PLD5: variants seen among roughly 807,000 people sequenced by gnomAD.
PLD5 encodes inactive phospholipase D5.
Under a neutral mutation model 61.1 loss-of-function variants are expected in PLD5, and 36 were observed. The ratio of observed to expected loss-of-function variants is 0.59; its 90% CI spans 0.45 to 0.78. The LOEUF (loss-of-function observed/expected upper bound fraction) is 0.78. PLD5 is among the 30% of genes least tolerant of loss of function. PLD5 has a pLI of 0.00. For synonymous variants in PLD5, 243 were observed against 242.8 expected, an observed-to-expected ratio of 1.00 and a Z score of -0.01; for missense variants, 515 against 644.4, an observed-to-expected ratio of 0.80 and a Z score of 2.17.
At chr1:242,215,360 C>G (rs139196115) in intron 5 of PLD5, among the ~76,000 whole-genome samples, 1 of 151,828 alleles carries the variant, frequency 6.6e-6, no homozygotes, top group African/African-American at 2.4e-5. Flanking sequence ...AAAACATGCC[C>G]GTTCAACTCT....
chr1:242,252,816 CTTT>C (rs71176729), intron 4 of PLD5, among the ~76,000 whole-genome samples: 54 of 120,638 alleles, frequency 4.5e-4, no homozygotes, highest in Middle Eastern at 4.3e-3. Flanking sequence ...TCTTCAGTGC[CTTT>C]TTTTTTTTTT....
chr1:242,246,955 T>C (rs1300192585), intron 4 of PLD5, among the ~76,000 whole-genome samples: 2 of 151,618 alleles, frequency 1.3e-5, no homozygotes, highest in Non-Finnish European at 2.9e-5. Flanking sequence ...TTATGAGTCA[T>C]AGGTGGGTTT....
At chr1:242,269,316 T>A (rs1253259951) in intron 3 of PLD5, among the ~76,000 whole-genome samples, 1 of 152,186 alleles carries the variant, frequency 6.6e-6, no homozygotes, top group Non-Finnish European at 1.5e-5. Flanking sequence ...GACCAATTTG[T>A]AAATGAAGTC....
In PLD5 at chr1:242,408,038, C is replaced by T. The variant is rs191862905; in HGVS notation, c.190-59796G>A. 8.0e-5 allele frequency among the ~76,000 whole-genome samples: 12 copies of T among 149,844 alleles called. No homozygotes were observed. The East Asian group carries it at 2.4e-3, about 30-fold the overall frequency. On this transcript the variant is annotated intron_variant, in intron 1 of 9. Coordinates refer to ENST00000536534, the MANE Select transcript of PLD5 (RefSeq NM_001372062.1). ...GAAAGCTACTTCAAAGTAAATGGGT[C>T]TTCATAATTTCTTTTCATGATCAAA...
intron 1 of PLD5, among the ~76,000 whole-genome samples, chr1:242,422,491 A>T (rs982284694): frequency 6.6e-6 from 1 of 152,246 alleles, no homozygotes; most frequent in East Asian, 1.9e-4. Flanking sequence ...CTTCAAATAC[A>T]TATAACTTAT....
chr1:242,515,495 G>A (rs1026915224), intron 1 of PLD5, among the ~76,000 whole-genome samples: 4 of 152,228 alleles, frequency 2.6e-5, no homozygotes, highest in African/African-American at 9.6e-5. Context: ...TTACAGGCGT[G>A]TGCCACCACG....
At chr1:242,462,016 A>G (rs887287314) in intron 1 of PLD5, among the ~76,000 whole-genome samples, 5 of 152,220 alleles carry the variant, frequency 3.3e-5, no homozygotes, top group African/African-American at 1.2e-4. Context: ...CCTATCATAC[A>G]GAGCTGTATG....
At position 242,087,129 on chromosome 1, in the gene PLD5, C is replaced by T. The variant is rs371426138; in HGVS notation, c.*2725G>A. The T allele has an allele frequency of 2.5e-3, 374 of 152,212 alleles. 3 individuals are homozygous for T. Among genetic ancestry groups the T allele is most frequent in the African/African-American group, 8.7e-3 (360 of 41,530 alleles). The allele number at this position is 152,212 out of a possible 1,614,324, so 9.4% of individuals were successfully genotyped here. Reference sequence around the variant, plus strand: ...AATGTTCTCTTGGGAGACATGAACCCATTTCTGACACTCTTGGTATGGGGG... The same window carrying T: ...AATGTTCTCTTGGGAGACATGAACCTATTTCTGACACTCTTGGTATGGGGG... On this transcript the variant is annotated 3_prime_UTR_variant, in exon 10 of 10. Transcript: ENST00000536534.
intron 5 of PLD5, among the ~76,000 whole-genome samples, chr1:242,217,235 T>C (rs1670273407): frequency 6.6e-6 from 1 of 152,228 alleles, no homozygotes; most frequent in South Asian, 2.1e-4. Context: ...TTTGGAAGGC[T>C]ATATAGCTAC....
chr1:242,239,322 G>C (rs957040046), intron 4 of PLD5, among the ~76,000 whole-genome samples: 2 of 152,068 alleles, frequency 1.3e-5, no homozygotes, highest in African/African-American at 4.8e-5. Flanking sequence ...TGAATGATTG[G>C]AAGCCTATAA....
At chr1:242,189,592 G>A (rs1452961646) in intron 5 of PLD5, among the ~76,000 whole-genome samples, 1 of 149,716 alleles carries the variant, frequency 6.7e-6, no homozygotes, top group East Asian at 1.9e-4. Context: ...ACAAGAAAGA[G>A]AAAATCACTA....
At chr1:242,413,562 G>T (rs1308794317) in intron 1 of PLD5, among the ~76,000 whole-genome samples, 1 of 152,174 alleles carries the variant, frequency 6.6e-6, no homozygotes, top group Non-Finnish European at 1.5e-5. Flanking sequence ...ACAGAGATTT[G>T]TTCCCACTCA....
chr1:242,103,874 A>T (rs72761220), intron 8 of PLD5, among the ~76,000 whole-genome samples: 32,952 of 152,210 alleles, frequency 0.22, 3,713 homozygotes, highest in South Asian at 0.28. Flanking sequence ...TCTATTATCC[A>T]TCAATGTTAC....
At chr1:242,288,607 G>A (rs1675168027) in intron 2 of PLD5, 77 bp from the exon 3 acceptor site, 8 of 1,474,846 alleles carry the variant, frequency 5.4e-6, no homozygotes, top group Non-Finnish European at 7.2e-6. Flanking sequence ...TATGCATACA[G>A]CAGACATCTA....
At chr1:242,357,059 ATT>A (rs139988668) in intron 1 of PLD5, among the ~76,000 whole-genome samples, 79 of 149,976 alleles carry the variant, frequency 5.3e-4, no homozygotes, top group Non-Finnish European at 8.0e-4. Flanking sequence ...AGTTAGAAGC[ATT>A]TTTTTTTTTA....
intron 1 of PLD5, among the ~76,000 whole-genome samples, chr1:242,447,410 A>G (rs1364581281): frequency 1.3e-5 from 2 of 152,202 alleles, no homozygotes; most frequent in South Asian, 2.1e-4. Flanking sequence ...CCTTTTCATC[A>G]TGGAAAGGAT....
At chr1:242,422,357 A>T (rs1346969834) in intron 1 of PLD5, among the ~76,000 whole-genome samples, 1 of 152,138 alleles carries the variant, frequency 6.6e-6, no homozygotes, top group African/African-American at 2.4e-5. Context: ...TCTTCTTGGG[A>T]TGGGGAGAGA....
At chr1:242,372,138 C>A (rs1275756156) in intron 1 of PLD5, among the ~76,000 whole-genome samples, 1 of 152,162 alleles carries the variant, frequency 6.6e-6, no homozygotes, top group Non-Finnish European at 1.5e-5. Context: ...ATGTAGCCTG[C>A]AGCTCCTGTA....
At chr1:242,207,580 C>T (rs919867479) in intron 5 of PLD5, among the ~76,000 whole-genome samples, 1 of 151,570 alleles carries the variant, frequency 6.6e-6, no homozygotes, top group Non-Finnish European at 1.5e-5. Flanking sequence ...TCACTCTGTT[C>T]CTTCTACTTA....
Sources: allele counts gnomAD v4.1 joint callset (sites outside exome capture counted in the v4.1 genomes callset), GRCh38; gene constraint gnomAD v4.1.1; transcripts MANE v1.5; gene names NCBI Gene and HGNC (gene_info 2026-07-23, HGNC 2026-07-21).